The following IGFN1 variants were observed in gnomAD, a reference collection of about 807,000 sequenced individuals.
IGFN1 encodes immunoglobulin-like and fibronectin type III domain-containing protein 1.
IGFN1 carries 253 observed loss-of-function variants against 289.5 expected under a neutral mutation model. The ratio of observed to expected loss-of-function variants is 0.87; its 90% confidence interval spans 0.79 to 0.97. The LOEUF is 0.97. IGFN1 is among the 50% of genes least tolerant of loss of function. The pLI is 0.00. For synonymous variants in IGFN1, 1,706 were observed against 1,788.5 expected, an observed-to-expected ratio of 0.95 and a Z score of 1.16; for missense variants, 4,470 against 4,686.1, an observed-to-expected ratio of 0.95 and a Z score of 1.35.
Position 201,211,875 on chromosome 1 carries a change from G to A in IGFN1, c.6982G>A (p.Gly2328Arg). 1 of 1,532,936 alleles carries A rather than the reference G, an allele frequency of 6.5e-7. No individual in the cohort carries two copies. Among genetic ancestry groups the A allele is most frequent in the Non-Finnish European group, 8.7e-7 (1 of 1,144,518 alleles). 95.0% of individuals were successfully genotyped at this position (1,532,936 alleles called of 1,614,324 possible). A position where few individuals can be genotyped will look rare whatever the true frequency, so the allele number is the denominator to read the frequency against. ...NEAGSRQGFG[G>R]TSGMGSGSEV... ...GGCAGGTTCTAGGCAAGGCTTTGGG[G>A]GAACTAGTGGCATGGGGTCAGGGAG... The change falls in exon 12 of 24, where the codon GGA (glycine) becomes AGA (arginine). Residue 2328 changes from glycine to arginine, a missense_variant. Around this residue, in one of 8 missense-constraint regions of IGFN1, gnomAD observed 2,218 missense variants for 2,114.1 expected, o/e 1.05. Coordinates refer to ENST00000335211, the MANE Select transcript of IGFN1 (RefSeq NM_001164586.2).
Position 201,206,503 on chromosome 1 carries a change from A to G in IGFN1, c.1610A>G (p.Glu537Gly), listed in dbSNP as rs1393897495. ...ESSESGLGLPEKQQQDRGRDS... is the reference protein window; with the variant it reads ...ESSESGLGLPGKQQQDRGRDS... ...TCAGAATCAGGGTTGGGCCTCCCAG[A>G]AAAACAACAGCAAGATCGTGGCAGA... The change falls in exon 12 of 24, where the codon GAA (glutamate) becomes GGA (glycine). Residue 537 changes from glutamate to glycine, a missense_variant. Coordinates refer to ENST00000335211, the MANE Select transcript of IGFN1 (RefSeq NM_001164586.2). The G allele has an allele frequency of 2.6e-6, 4 of 1,551,396 alleles. No individual in the cohort carries two copies. Among genetic ancestry groups the G allele is most frequent in the Non-Finnish European group, 3.5e-6 (4 of 1,146,990 alleles).
chr1:201,215,174 T>C lies in IGFN1; in HGVS notation c.8995+20T>C, dbSNP rs553998611. On this transcript the variant is annotated intron_variant, in intron 14 of 23. Coordinates refer to ENST00000335211, the MANE Select transcript of IGFN1 (RefSeq NM_001164586.2). ...TCCAGGGTAAGGCCCAGCCCTGCCC[T>C]GCCCTGCCCTGTCCTGTCCCACAGT... 1 of 1,608,660 alleles carries C rather than the reference T, an allele frequency of 6.2e-7. No homozygotes were observed. Among genetic ancestry groups the C allele is most frequent in the Admixed American group, 1.7e-5 (1 of 59,648 alleles).
At position 201,208,672 on chromosome 1, in the gene IGFN1, A is replaced by C; in HGVS notation, c.3779A>C (p.Gln1260Pro). Residue 1260 changes from glutamine to proline, a missense_variant, in exon 12 of 24, where the codon CAA (glutamine) becomes CCA (proline). Gln to Pro is a moderately conservative substitution (Grantham distance 76, BLOSUM62 -1). Around this residue, in one of 8 missense-constraint regions of IGFN1, gnomAD observed 2,011 missense variants for 1,953.4 expected, o/e 1.03. Coordinates refer to ENST00000335211, the MANE Select transcript of IGFN1 (RefSeq NM_001164586.2). ...AGFRDGSGGL[Q>P]GMGSADGPGC... ...TTTAGAGATGGTTCAGGAGGCCTCC[A>C]AGGAATGGGATCAGCAGATGGGCCA... is the stretch of plus-strand genomic sequence containing the variant. 1 of 1,536,788 alleles carries C rather than the reference A, an allele frequency of 6.5e-7. No homozygotes were observed. Among genetic ancestry groups the C allele is most frequent in the Middle Eastern group, 1.7e-4 (1 of 5,982 alleles).
chr1:201,222,639 T>C, intron 19 of IGFN1, 100 bp from the exon 20 acceptor site: 1 of 709,604 alleles, frequency 1.4e-6, no homozygotes, highest in Non-Finnish European at 2.5e-6. Flanking sequence ...TCAATCCGAC[T>C]GGCCCAGTCT....
rs1321869878 is a variant in IGFN1 at position 201,217,552 on chromosome 1, C to G, written c.9769+92C>G. On this transcript the variant is annotated intron_variant, in intron 17 of 23. Transcript: ENST00000335211. Reference sequence around the variant, plus strand: ...TCAGTTCAGATTGGTTTAATACAGTCGTTCTCGTCTAGGGTGGTTTGGCAA... The same window carrying G: ...TCAGTTCAGATTGGTTTAATACAGTGGTTCTCGTCTAGGGTGGTTTGGCAA... 8.9e-6 allele frequency: 12 copies of G among 1,354,174 alleles called. No individual in the cohort carries two copies. In the African/African-American group the frequency reaches 1.3e-4, roughly 15 times the overall value. The allele number at this position is 1,354,174 out of a possible 1,614,324, so 83.9% of individuals were successfully genotyped here.
chr1:201,208,711 G>A lies in IGFN1; in HGVS notation c.3818G>A (p.Gly1273Asp). ...GCAGATGGGCCAGGTTGTAGGAAGG[G>A]TATTGGGAGTTCTGGGGAAATGGGG... ...GSADGPGCRK[G>D]IGSSGEMGSV... The change falls in exon 12 of 24, where the codon GGT becomes GAT. Residue 1273 changes from glycine (G) to aspartate (D), a missense_variant. By Grantham distance (94) the Gly-to-Asp change is moderately conservative. Around this residue, in one of 8 missense-constraint regions of IGFN1, gnomAD observed 2,011 missense variants for 1,953.4 expected, o/e 1.03. Transcript: ENST00000335211. 1 of 1,537,094 alleles carries A rather than the reference G, an allele frequency of 6.5e-7. No homozygotes were observed. The highest frequency in any genetic ancestry group is 8.7e-7 in the Non-Finnish European group (1 of 1,146,830).
chr1:201,196,705 T>A (rs1417590439), intron 4 of IGFN1, among the ~76,000 whole-genome samples: 2 of 152,196 alleles, frequency 1.3e-5, no homozygotes, highest in African/African-American at 4.8e-5. Context: ...TGGCCTATAG[T>A]GAGTACTCAA....
Position 201,212,025 on chromosome 1 carries a change from G to C in IGFN1, c.7132G>C (p.Ala2378Pro). The change falls in exon 12 of 24, where the codon GCT (alanine) becomes CCT (proline). Residue 2378 changes from alanine (A) to proline (P), a missense_variant. Ala to Pro is a conservative substitution (Grantham distance 27, BLOSUM62 -1). Around this residue, in one of 8 missense-constraint regions of IGFN1, gnomAD observed 2,218 missense variants for 2,114.1 expected, o/e 1.05. Transcript: ENST00000335211. ...PGSLAGIGHE[A>P]GPRGHKAMGH... ...CTCACTGGCTGGAATAGGACATGAG[G>C]CTGGACCCAGAGGCCATAAAGCCAT... 1 of 1,536,274 alleles carries C rather than the reference G, an allele frequency of 6.5e-7. No individual in the cohort carries two copies. The highest frequency in any genetic ancestry group is 8.7e-7 in the Non-Finnish European group (1 of 1,146,736).
chr1:201,199,705 C>A, intron 7 of IGFN1, 51 bp downstream of exon 7: 7 of 1,478,084 alleles, frequency 4.7e-6, no homozygotes, highest in East Asian at 2.5e-5. Context: ...ATAGTATTCA[C>A]CCCCTGCTAT....
Position 201,228,481 on chromosome 1 carries a change from G to C in IGFN1, c.*82G>C, listed in dbSNP as rs1654261081. 5 of 1,433,250 alleles carry C rather than the reference G, an allele frequency of 3.5e-6. No homozygotes were observed. In the Admixed American group the frequency reaches 8.4e-5, roughly 24 times the overall value. 88.8% of individuals were successfully genotyped at this position (1,433,250 alleles called of 1,614,324 possible). On this transcript the variant is annotated 3_prime_UTR_variant, in exon 24 of 24. Coordinates refer to ENST00000335211, the MANE Select transcript of IGFN1 (RefSeq NM_001164586.2). ...ACTGGCCCGGGAAGCCAATCCCAAG[G>C]ATGGAGGCTGTGCCCAGAGCCCCAG...
In IGFN1 at chr1:201,206,724, C is replaced by T; in HGVS notation, c.1831C>T (p.Gln611Ter). 1 of 1,536,730 alleles carries T rather than the reference C, an allele frequency of 6.5e-7. No individual in the cohort carries two copies. The highest frequency in any genetic ancestry group is 8.7e-7 in the Non-Finnish European group (1 of 1,146,876). The change falls in exon 12 of 24, where the codon CAG becomes TAG. Residue 611 changes from glutamine to a stop codon, truncating the protein, a stop_gained. Coordinates refer to ENST00000335211, the MANE Select transcript of IGFN1 (RefSeq NM_001164586.2). LOFTEE classifies it high-confidence loss of function. ...LGPGRGKSDL[Q>*]GCQSDPVGSW... is the part of the protein sequence containing the mutation. ...ACCTGGGAGAGGAAAGAGCGACCTG[C>T]AGGGATGCCAGTCTGATCCTGTAGG...
intron 3 of IGFN1, among the ~76,000 whole-genome samples, chr1:201,194,905 G>A (rs2102316290): frequency 6.6e-6 from 1 of 152,334 alleles, no homozygotes; most frequent in East Asian, 1.9e-4. Context: ...GAGAAATTGG[G>A]AAGGGCCCTT....
At position 201,205,344 on chromosome 1, in the gene IGFN1, G is replaced by C; in HGVS notation, c.1179G>C (p.Leu393=). 1.3e-6 allele frequency: 2 copies of C among 1,533,164 alleles called. No homozygotes were observed. Among genetic ancestry groups the C allele is most frequent in the Non-Finnish European group, 1.8e-6 (2 of 1,134,794 alleles). The allele number at this position is 1,533,164 out of a possible 1,614,324, so 95.0% of individuals were successfully genotyped here. A position where few individuals can be genotyped will look rare whatever the true frequency, so the allele number is the denominator to read the frequency against. Residue 393 remains leucine (L), a synonymous_variant, in exon 11 of 24, where the codon CTG becomes CTC. Coordinates refer to ENST00000335211, the MANE Select transcript of IGFN1 (RefSeq NM_001164586.2). The part of the protein sequence containing the change: ...GTGLYTSSAW[L]VVEAGKDKDL... Reference sequence around the variant, plus strand: ...GGCTCTACACTTCCAGCGCCTGGCTGGTGGTTGAAGGTGAGTGCTTCAAAA... The same window carrying C: ...GGCTCTACACTTCCAGCGCCTGGCTCGTGGTTGAAGGTGAGTGCTTCAAAA...
In IGFN1 at chr1:201,211,375, G is replaced by A; in HGVS notation, c.6482G>A (p.Arg2161Lys). Reference protein sequence around the residue: ...GMGSESKAGFRDGLGSSGEMG... With the variant: ...GMGSESKAGFKDGLGSSGEMG... ...GGTTCAGAGAGTAAGGCAGGTTTTA[G>A]GGATGGTTTAGGGAGTTCTGGGGAA... The change falls in exon 12 of 24, where the codon AGG becomes AAG. Residue 2161 changes from arginine (R) to lysine (K), a missense_variant. Arg to Lys is a conservative substitution (Grantham distance 26). Around this residue, in one of 8 missense-constraint regions of IGFN1, gnomAD observed 2,218 missense variants for 2,114.1 expected, o/e 1.05. Transcript: ENST00000335211. 5 of 1,490,808 alleles carry A rather than the reference G, an allele frequency of 3.4e-6. No individual in the cohort carries two copies. Among genetic ancestry groups the A allele is most frequent in the Non-Finnish European group, 4.5e-6 (5 of 1,118,372 alleles). The allele number at this position is 1,490,808 out of a possible 1,614,324, so 92.3% of individuals were successfully genotyped here.
intron 21 of IGFN1, 36 bp downstream of exon 21, chr1:201,224,910 C>T (rs758414517): frequency 6.5e-7 from 1 of 1,526,920 alleles, no homozygotes; most frequent in Non-Finnish European, 8.9e-7. Flanking sequence ...TGGACGCTGG[C>T]TCGGCCACTC....
rs1316257814 is a variant in IGFN1, at chr1:201,208,161, G to C, written c.3268G>C (p.Gly1090Arg). The C allele has an allele frequency of 6.5e-7, 1 of 1,536,886 alleles. No homozygotes were observed. Among genetic ancestry groups the C allele is most frequent in the African/African-American group, 1.4e-5 (1 of 73,006 alleles). The change falls in exon 12 of 24, where the codon GGT becomes CGT. Residue 1090 changes from glycine (G) to arginine (R), a missense_variant. Transcript: ENST00000335211. ...GGTGACAGGGTCTGCGGGTAGAGGT[G>C]GTCTCAAGGCCCCTGGAGTAGTGGA... ...PGVTGSAGRG[G>R]LKAPGVVETV...
chr1:201,214,915 A>G, intron 13 of IGFN1, 98 bp from the exon 14 acceptor site: 4 of 1,263,090 alleles, frequency 3.2e-6, no homozygotes, highest in Non-Finnish European at 4.4e-6. Flanking sequence ...CACAGCTGTT[A>G]TCAGGATCCC....
Position 201,207,793 on chromosome 1 carries a change from C to G in IGFN1, c.2900C>G (p.Ser967Cys), listed in dbSNP as rs147382214. ...GGLGYSREIS[S>C]KSGAGYSYGS... ...TTAGGATATTCTAGGGAAATAAGCT[C>G]TAAAAGCGGGGCTGGTTATAGCTAT... is the stretch of plus-strand genomic sequence containing the variant. Residue 967 changes from serine to cysteine, a missense_variant, in exon 12 of 24, where the codon TCT (serine) becomes TGT (cysteine). Physicochemically the swap from Ser to Cys is moderately radical, Grantham distance 112. Coordinates refer to ENST00000335211, the MANE Select transcript of IGFN1 (RefSeq NM_001164586.2). 9.8e-6 allele frequency: 15 copies of G among 1,536,130 alleles called. No homozygotes were observed. Among genetic ancestry groups the G allele is most frequent in the Middle Eastern group, 3.3e-4 (2 of 5,988 alleles).
Position 201,216,550 on chromosome 1 carries a change from G to A in IGFN1, c.9392G>A (p.Arg3131Gln), listed in dbSNP as rs747567468. Residue 3131 changes from arginine to glutamine, a missense_variant, in exon 16 of 24, where the codon CGG becomes CAG. By Grantham distance (43) the Arg-to-Gln change is conservative. Coordinates refer to ENST00000335211, the MANE Select transcript of IGFN1 (RefSeq NM_001164586.2). ...RWRPPRDNGG[R>Q]TVECYVVERR... ...CGGCCCCCAAGGGACAATGGGGGCCGGACTGTAGAGTGCTACGTGGTGGAG... is the reference window on the plus strand; with the variant it reads ...CGGCCCCCAAGGGACAATGGGGGCCAGACTGTAGAGTGCTACGTGGTGGAG... The A allele has an allele frequency of 3.7e-5, 60 of 1,613,130 alleles. No homozygotes were observed. The Admixed American group carries it at 4.0e-4, about 11-fold the overall frequency.
Sources: gnomAD v4.1 joint callset for allele counts (sites outside exome capture counted in the v4.1 genomes callset) on GRCh38, gnomAD v4.1.1 for gene constraint, gnomAD v4.1.1 regional missense constraint, MANE v1.5 for transcripts, NCBI Gene and HGNC (gene_info 2026-07-23, HGNC 2026-07-21) for gene names.